The following SLC38A10 variants were observed in gnomAD, a reference collection of about 807,000 sequenced individuals.
The protein encoded by SLC38A10 is Sodium-coupled neutral amino acid transporter 10.
SLC38A10 carries 53 observed loss-of-function variants against 81.0 expected under a neutral mutation model. That is an observed-to-expected ratio of 0.65 (90% CI 0.53 to 0.82). SLC38A10 has a LOEUF of 0.82. SLC38A10 is among the 40% of genes least tolerant of loss of function. The probability of loss-of-function intolerance (pLI) is 0.00; values close to 1 mark genes in which losing one functional copy is unlikely to be tolerated. For synonymous variants in SLC38A10, 665 were observed against 655.3 expected (o/e 1.01, Z -0.23); for missense variants, 1,471 against 1,545.0 (o/e 0.95, Z 0.80).
In SLC38A10 at chr17:81,253,051, A is replaced by G. The variant is rs1419223851; in HGVS notation, c.1456+22T>C. 6.2e-7 allele frequency: 1 copy of G among 1,606,138 alleles called. No homozygotes were observed. Among genetic ancestry groups the G allele is most frequent in the Non-Finnish European group, 8.5e-7 (1 of 1,176,736 alleles). Reference sequence around the variant, plus strand: ...CCCGGGGCCGCCCTTCCCCATCCGCACCCCCAGCCAGTGCCCAGCACCTTG... The same window carrying G: ...CCCGGGGCCGCCCTTCCCCATCCGCGCCCCCAGCCAGTGCCCAGCACCTTG... On this transcript the variant is annotated intron_variant, in intron 12 of 15. Transcript: ENST00000374759. The surrounding 1 kb of genome is among the most constrained non-coding windows in gnomAD (Gnocchi z 4.1).
rs1405709105 is a variant in SLC38A10 at position 81,253,606 on chromosome 17, A to G, written c.1289-366T>C. Among the ~76,000 whole-genome samples, 2 of 151,182 alleles carry G rather than the reference A, an allele frequency of 1.3e-5. No homozygotes were observed. Among genetic ancestry groups the G allele is most frequent in the Admixed American group, 1.3e-4 (2 of 15,170 alleles). The stretch of plus-strand genomic sequence containing the variant: ...CGTCACCTCCACCACCACCACCACC[A>G]TCACCGCTATCATCACCATCATCTC... On this transcript the variant is annotated intron_variant, in intron 11 of 15. Transcript: ENST00000374759. The surrounding 1 kb of genome is among the most constrained non-coding windows in gnomAD (Gnocchi z 4.1).
chr17:81,272,995 C>A lies in SLC38A10; in HGVS notation c.913-368G>T, dbSNP rs1321902434. 2.0e-5 allele frequency among the ~76,000 whole-genome samples: 3 copies of A among 152,230 alleles called. No homozygotes were observed. In the East Asian group the frequency reaches 5.8e-4, roughly 29 times the overall value. ...AGAGCAAAACACAGGCTGCACAGCGCCGCTCCTGACAAATGCCCCAGGACT... is the reference window on the plus strand; with the variant it reads ...AGAGCAAAACACAGGCTGCACAGCGACGCTCCTGACAAATGCCCCAGGACT... On this transcript the variant is annotated intron_variant, in intron 8 of 15. Coordinates refer to ENST00000374759, the MANE Select transcript of SLC38A10 (RefSeq NM_001037984.3).
intron 14 of SLC38A10, chr17:81,249,941 G>T (rs1252969065): frequency 3.8e-6 from 3 of 799,340 alleles, no homozygotes; most frequent in East Asian, 1.3e-4. Context: ...TGCGTGCGCA[G>T]GTCTGGGGCC....
At position 81,245,442 on chromosome 17, in the gene SLC38A10, A is replaced by G; in HGVS notation, c.*114T>C. 1.5e-6 allele frequency: 2 copies of G among 1,334,590 alleles called. No individual in the cohort carries two copies. The highest frequency in any genetic ancestry group is 2.0e-6 in the Non-Finnish European group (2 of 985,846). 82.7% of individuals were successfully genotyped at this position (1,334,590 alleles called of 1,614,324 possible). On this transcript the variant is annotated 3_prime_UTR_variant, in exon 16 of 16. Transcript: ENST00000374759. ...CACTTGGTGAGGGCCTCAGACATGA[A>G]ACCCTGGGGAGAGGCGAGTGTGACC... is the stretch of plus-strand genomic sequence containing the variant.
intron 8 of SLC38A10, among the ~76,000 whole-genome samples, chr17:81,275,214 TA>T (rs1295194124): frequency 6.6e-6 from 1 of 152,128 alleles, no homozygotes; most frequent in Non-Finnish European, 1.5e-5. Context: ...AGCCTATTTT[TA>T]AAATGTGTTT....
intron 5 of SLC38A10, 64 bp downstream of exon 5, chr17:81,282,125 G>A: frequency 6.2e-7 from 1 of 1,601,732 alleles, no homozygotes; most frequent in Non-Finnish European, 8.5e-7. Flanking sequence ...GCCTGCTGTG[G>A]CCACAGGAAA....
At position 81,295,274 on chromosome 17, in the gene SLC38A10, C is replaced by G; in HGVS notation, c.-353G>C. On this transcript the variant is annotated 5_prime_UTR_variant, in exon 1 of 16. Transcript: ENST00000374759. The stretch of plus-strand genomic sequence containing the variant: ...CAGAGCCAGCTAGGGACACCTCAGC[C>G]CAACTCAGCTGCCGCCGCGGCGCTC... 6.4e-6 allele frequency: 1 copy of G among 155,666 alleles called. No individual in the cohort carries two copies. Among genetic ancestry groups the G allele is most frequent in the African/African-American group, 2.4e-5 (1 of 41,676 alleles). The allele number at this position is 155,666 out of a possible 1,614,324, so 9.6% of individuals were successfully genotyped here. A position where few individuals can be genotyped will look rare whatever the true frequency, so the allele number is the denominator to read the frequency against.
rs961475440 is a variant in SLC38A10, at chr17:81,276,261, C to G, written c.730-110G>C. 1.0e-6 allele frequency: 1 copy of G among 980,890 alleles called. No homozygotes were observed. The highest frequency in any genetic ancestry group is 1.7e-5 in the African/African-American group (1 of 60,038). The allele number at this position is 980,890 out of a possible 1,614,324, so 60.8% of individuals were successfully genotyped here. A position where few individuals can be genotyped will look rare whatever the true frequency, so the allele number is the denominator to read the frequency against. ...ACCTGTGCCCTGCCCCCCAGAATGG[C>G]CTTCAATCCACTTCATAATGAAGCT... On this transcript the variant is annotated intron_variant, in intron 7 of 15. Coordinates refer to ENST00000374759, the MANE Select transcript of SLC38A10 (RefSeq NM_001037984.3). The surrounding 1 kb of genome is among the most constrained non-coding windows in gnomAD (Gnocchi z 4.7).
In SLC38A10 at chr17:81,245,761, C is replaced by T. The variant is rs759065999; in HGVS notation, c.3155G>A (p.Arg1052Gln). Residue 1052 changes from arginine (R) to glutamine (Q), a missense_variant, in exon 16 of 16, where the codon CGA becomes CAA. Arg to Gln is a conservative substitution (Grantham distance 43). This residue lies in a region of SLC38A10 where 751 missense variants were observed against 717.4 expected (regional missense o/e 1.05). Transcript: ENST00000374759. The stretch of plus-strand genomic sequence containing the variant: ...TGCATGAGGGCCAAGGTCCCGCCGT[C>T]GCCTCCGGAGGTCGGAGCCAGCCTG... ...KLQAGSDLRR[R>Q]RRDLGPHAEG... 10 of 1,595,954 alleles carry T rather than the reference C, an allele frequency of 6.3e-6. No homozygotes were observed. Among genetic ancestry groups the T allele is most frequent in the East Asian group, 2.3e-5 (1 of 44,372 alleles).
chr17:81,287,642 G>A (rs1427392190), intron 2 of SLC38A10, among the ~76,000 whole-genome samples: 1 of 152,242 alleles, frequency 6.6e-6, no homozygotes, highest in Non-Finnish European at 1.5e-5. Context: ...GAAGTGGACT[G>A]CGGTCACCCC....
chr17:81,269,671 G>A (rs1489645209), intron 10 of SLC38A10, among the ~76,000 whole-genome samples: 2 of 152,052 alleles, frequency 1.3e-5, no homozygotes, highest in Non-Finnish European at 2.9e-5. Flanking sequence ...GTGGTTCCAC[G>A]TGGTTCACTT....
chr17:81,254,819 T>C (rs1338792545), intron 11 of SLC38A10, among the ~76,000 whole-genome samples: 1 of 152,226 alleles, frequency 6.6e-6, no homozygotes. Flanking sequence ...ATCACACGAT[T>C]AGGCTTCGGC....
At chr17:81,284,995 C>A in intron 2 of SLC38A10, 100 bp from the exon 3 acceptor site, 1 of 1,029,998 alleles carries the variant, frequency 9.7e-7, no homozygotes, top group Non-Finnish European at 1.4e-6. Flanking sequence ...TCACAGAAAC[C>A]CACGGGCCCA....
intron 1 of SLC38A10, among the ~76,000 whole-genome samples, chr17:81,292,941 C>T (rs573690539): frequency 6.6e-4 from 100 of 152,230 alleles, no homozygotes; most frequent in Non-Finnish European, 1.2e-3. Flanking sequence ...ATCAGGAGTT[C>T]GAGACCAGCC....
In SLC38A10 at chr17:81,277,194, C is replaced by A. The variant is rs2063170236; in HGVS notation, c.627-61G>T. 2.0e-6 allele frequency: 3 copies of A among 1,485,596 alleles called. No homozygotes were observed. Among genetic ancestry groups the A allele is most frequent in the Non-Finnish European group, 2.8e-6 (3 of 1,068,866 alleles). 92.0% of individuals were successfully genotyped at this position (1,485,596 alleles called of 1,614,324 possible). On this transcript the variant is annotated intron_variant, in intron 6 of 15. Transcript: ENST00000374759. This position sits in a 1 kb window ranked among gnomAD's most constrained non-coding sequence, Gnocchi z 4.5. Reference sequence around the variant, plus strand: ...GAGAGGCACGCCCTCCCCAGCGGCTCCACTTCTAGGACCTCTCTGCAGCCC... The same window carrying A: ...GAGAGGCACGCCCTCCCCAGCGGCTACACTTCTAGGACCTCTCTGCAGCCC...
rs573699218 is a variant in SLC38A10 at position 81,278,957 on chromosome 17, C to G, written c.626+1652G>C. ...CCCCGGGATCATCCCTGGAAAGAAA[C>G]AAGGTAGGAGCCACAAAACCTCCTG... On this transcript the variant is annotated intron_variant, in intron 6 of 15. Transcript: ENST00000374759. Among the ~76,000 whole-genome samples the G allele has an allele frequency of 2.8e-4, 42 of 152,320 alleles. 1 individual carries two copies. In the South Asian group the frequency reaches 8.3e-3, roughly 30 times the overall value.
At chr17:81,287,984 G>A (rs943141694) in intron 2 of SLC38A10, among the ~76,000 whole-genome samples, 1 of 152,362 alleles carries the variant, frequency 6.6e-6, no homozygotes, top group Admixed American at 6.5e-5. Flanking sequence ...CCTGGCATCC[G>A]GTAGGCATCT....
chr17:81,287,406 C>T (rs887438804), intron 2 of SLC38A10, among the ~76,000 whole-genome samples: 23 of 152,168 alleles, frequency 1.5e-4, no homozygotes, highest in Non-Finnish European at 2.8e-4. Context: ...ACAAGGGCCT[C>T]GCCTCAGCTC....
At chr17:81,269,673 G>C (rs1387371902) in intron 10 of SLC38A10, among the ~76,000 whole-genome samples, 2 of 151,916 alleles carry the variant, frequency 1.3e-5, no homozygotes, top group Non-Finnish European at 2.9e-5. Flanking sequence ...GGTTCCACGT[G>C]GTTCACTTTG....
Sources: gnomAD v4.1 joint callset for allele counts (sites outside exome capture counted in the v4.1 genomes callset) on GRCh38, gnomAD v4.1.1 for gene constraint, gnomAD v4.1.1 regional missense constraint, Gnocchi (gnomAD v3.1) non-coding constraint, MANE v1.5 for transcripts, NCBI Gene and HGNC (gene_info 2026-07-23, HGNC 2026-07-21) for gene names.